Variants in CDC5L observed in about 807,000 individuals in gnomAD.
CDC5L encodes the protein cell division cycle 5 like, also known as cell division cycle 5-like protein.
CDC5L carries 18 observed loss-of-function variants against 104.1 expected under a neutral mutation model. That is an observed-to-expected ratio of 0.17 (90% CI 0.12 to 0.26). The LOEUF (loss-of-function observed/expected upper bound fraction) is 0.26, where lower values mean the gene tolerates loss of function less well. Among genes scored for constraint, CDC5L ranks in the 10% least tolerant of loss-of-function variants. The pLI is 1.00. For synonymous variants in CDC5L, 331 were observed against 322.7 expected (o/e 1.03, Z -0.28); for missense variants, 673 against 956.9 (o/e 0.70, Z 3.91).
At chr6:44,430,509 CTG>C (rs1222068536) in intron 14 of CDC5L, among the ~76,000 whole-genome samples, 6 of 149,202 alleles carry the variant, frequency 4.0e-5, no homozygotes, top group South Asian at 2.2e-4. Flanking sequence ...ATTCCAGAAT[CTG>C]TGTAGGCATT....
intron 14 of CDC5L, among the ~76,000 whole-genome samples, chr6:44,440,708 CTTTTTTT>C (rs372146196): frequency 4.6e-5 from 6 of 130,984 alleles, no homozygotes; most frequent in Non-Finnish European, 9.7e-5. Context: ...ATTTAAAATC[CTTTTTTT>C]TTTTTTTTTT....
rs1488087615 is a variant in CDC5L at position 44,450,104 on chromosome 6, T to C, written c.*3393T>C. On this transcript the variant is annotated 3_prime_UTR_variant, in exon 16 of 16. Transcript: ENST00000371477. ...GTCTTGAATTCCTGACCTCAGGTGA[T>C]CCACCTACCTCGGCCTCCCAAAGTG... The C allele has an allele frequency of 1.3e-5, 2 of 152,198 alleles. No homozygotes were observed. Among genetic ancestry groups the C allele is most frequent in the African/African-American group, 4.8e-5 (2 of 41,438 alleles). 9.4% of individuals were successfully genotyped at this position (152,198 alleles called of 1,614,324 possible).
In CDC5L at chr6:44,419,481, G is replaced by T. The variant is rs759803656; in HGVS notation, c.1125G>T (p.Val375=). ...EAQNLMALTN[V]DTPLKGGLNT... ...AGAACCTCATGGCCCTCACCAATGT[G>T]GACACCCCATTGAAAGGTGGACTTA... Residue 375 remains valine, a synonymous_variant, in exon 9 of 16, where the codon GTG becomes GTT. Transcript: ENST00000371477. 18 of 1,613,950 alleles carry T rather than the reference G, an allele frequency of 1.1e-5. No homozygotes were observed. Among genetic ancestry groups the T allele is most frequent in the Non-Finnish European group, 1.5e-5 (18 of 1,179,968 alleles).
At position 44,447,394 on chromosome 6, in the gene CDC5L, A is replaced by G. The variant is rs2153384917; in HGVS notation, c.*683A>G. Reference sequence around the variant, plus strand: ...ATTTTCTTATAAGTATTTTTTGACAAAGGCATTTTAAAAGTTAATTTCAAG... The same window carrying G: ...ATTTTCTTATAAGTATTTTTTGACAGAGGCATTTTAAAAGTTAATTTCAAG... On this transcript the variant is annotated 3_prime_UTR_variant, in exon 16 of 16. Coordinates refer to ENST00000371477, the MANE Select transcript of CDC5L (RefSeq NM_001253.4). 6.6e-6 allele frequency: 1 copy of G among 152,312 alleles called. No individual in the cohort carries two copies. The highest frequency in any genetic ancestry group is 1.5e-5 in the Non-Finnish European group (1 of 68,026). 9.4% of individuals were successfully genotyped at this position (152,312 alleles called of 1,614,324 possible).
intron 8 of CDC5L, among the ~76,000 whole-genome samples, chr6:44,417,304 G>A (rs913751289): frequency 6.6e-6 from 1 of 152,184 alleles, no homozygotes; most frequent in African/African-American, 2.4e-5. Context: ...CTTTCCATGA[G>A]GCTTGGGCTT....
rs11571952 is a variant in CDC5L at position 44,406,624 on chromosome 6, G to A, written c.903+157G>A. On this transcript the variant is annotated intron_variant, in intron 7 of 15. Coordinates refer to ENST00000371477, the MANE Select transcript of CDC5L (RefSeq NM_001253.4). ...GACACACATAAAAACAAGTAATTGTGGGCTGGCTGTGGTGGCCCACACCTG... is the reference window on the plus strand; with the variant it reads ...GACACACATAAAAACAAGTAATTGTAGGCTGGCTGTGGTGGCCCACACCTG... Among the ~76,000 whole-genome samples the A allele has an allele frequency of 8.0e-3, 1,211 of 152,326 alleles. 21 individuals carry two copies. Among genetic ancestry groups the A allele is most frequent in the African/African-American group, 0.028 (1,158 of 41,568 alleles).
intron 8 of CDC5L, among the ~76,000 whole-genome samples, chr6:44,418,905 G>A (rs1445672969): frequency 7.5e-6 from 1 of 132,732 alleles, no homozygotes; most frequent in Non-Finnish European, 1.6e-5. Flanking sequence ...TTAGCTCTTT[G>A]TCAGATGAGT....
intron 1 of CDC5L, 77 bp downstream of exon 1, chr6:44,387,945 G>GGGT (rs1790408281): frequency 1.2e-5 from 18 of 1,451,244 alleles, no homozygotes; most frequent in Middle Eastern, 3.6e-4. Flanking sequence ...GAGGTCGGGG[G>GGGT]GGCGACGAGG....
At chr6:44,445,116 A>G (rs1347969869) in intron 14 of CDC5L, among the ~76,000 whole-genome samples, 10 of 152,184 alleles carry the variant, frequency 6.6e-5, no homozygotes, top group Admixed American at 5.9e-4. Context: ...AAGTACTTGC[A>G]TGCTTGATTA....
chr6:44,390,646 A>G (rs1390203601), intron 2 of CDC5L, among the ~76,000 whole-genome samples: 44 of 152,086 alleles, frequency 2.9e-4, no homozygotes, highest in Admixed American at 2.9e-3. Flanking sequence ...TTGTCATCTA[A>G]ATGGGTTAAT....
At position 44,406,470 on chromosome 6, in the gene CDC5L, A is replaced by G. The variant is rs114598023; in HGVS notation, c.903+3A>G. 1 of 1,600,494 alleles carries G rather than the reference A, an allele frequency of 6.2e-7. No homozygotes were observed. The highest frequency in any genetic ancestry group is 1.4e-5 in the African/African-American group (1 of 73,936). On this transcript the variant is annotated splice_donor_region_variant and intron_variant, in intron 7 of 15. Transcript: ENST00000371477. The stretch of plus-strand genomic sequence containing the variant: ...AACTAGTACTTCCTGCCCCTCAGGT[A>G]ATCTGATAAAAGCAAATTTTTCACT...
chr6:44,449,481 C>T lies in CDC5L; in HGVS notation c.*2770C>T, dbSNP rs1793570081. The T allele has an allele frequency of 6.6e-6, 1 of 151,992 alleles. No individual in the cohort carries two copies. The highest frequency in any genetic ancestry group is 2.4e-5 in the African/African-American group (1 of 41,352). 9.4% of individuals were successfully genotyped at this position (151,992 alleles called of 1,614,324 possible). ...ATTAGCCTGGGTAACATAGTGAGAC[C>T]CTGTCTCTATTAAAAAATAATAATA... On this transcript the variant is annotated 3_prime_UTR_variant, in exon 16 of 16. Transcript: ENST00000371477.
intron 8 of CDC5L, among the ~76,000 whole-genome samples, chr6:44,411,431 G>A (rs544180041): frequency 6.9e-6 from 1 of 144,748 alleles, no homozygotes; most frequent in Non-Finnish European, 1.5e-5. Context: ...TGGGAACCTA[G>A]TTGGGGAAAA....
rs374359834 is a variant in CDC5L at position 44,403,790 on chromosome 6, G to A, written c.540-19G>A. On this transcript the variant is annotated intron_variant, in intron 5 of 15. Coordinates refer to ENST00000371477, the MANE Select transcript of CDC5L (RefSeq NM_001253.4). ...TCACATGGCATATGATTTTCAAAGT[G>A]ATTTTGCATTCTTTTCAGACGTCTT... The A allele has an allele frequency of 2.6e-6, 4 of 1,558,194 alleles. No homozygotes were observed. The highest frequency in any genetic ancestry group is 3.5e-6 in the Non-Finnish European group (4 of 1,144,982).
chr6:44,437,799 G>C (rs1428317688), intron 14 of CDC5L, among the ~76,000 whole-genome samples: 1 of 152,160 alleles, frequency 6.6e-6, no homozygotes, highest in East Asian at 1.9e-4. Flanking sequence ...GTATAGCTGA[G>C]TTATCAATGA....
intron 8 of CDC5L, among the ~76,000 whole-genome samples, chr6:44,415,865 T>TA (rs1369486847): frequency 2.6e-5 from 4 of 152,264 alleles, no homozygotes; most frequent in African/African-American, 9.6e-5. Flanking sequence ...AAATGTCTAC[T>TA]AATGAAAATG....
At chr6:44,426,945 G>C (rs543810905) in intron 13 of CDC5L, among the ~76,000 whole-genome samples, 26 of 152,218 alleles carry the variant, frequency 1.7e-4, no homozygotes, top group African/African-American at 5.8e-4. Context: ...AATAAACACC[G>C]CCAGGGTGTT....
chr6:44,418,464 C>T (rs887339734), intron 8 of CDC5L, among the ~76,000 whole-genome samples: 2 of 152,160 alleles, frequency 1.3e-5, no homozygotes, highest in African/African-American at 2.4e-5. Flanking sequence ...CATACGTGTG[C>T]ATGTGTCTTT....
chr6:44,413,457 G>T (rs1791750426), intron 8 of CDC5L, among the ~76,000 whole-genome samples: 1 of 152,178 alleles, frequency 6.6e-6, no homozygotes, highest in Admixed American at 6.5e-5. Context: ...TTGAACAGAT[G>T]TTTGTGTGGA....
Sources: gnomAD v4.1 joint callset for allele counts (sites outside exome capture counted in the v4.1 genomes callset) on GRCh38, gnomAD v4.1.1 for gene constraint, MANE v1.5 for transcripts, NCBI Gene and HGNC (gene_info 2026-07-23, HGNC 2026-07-21) for gene names.